Variants in CDH8 observed in about 807,000 individuals in gnomAD.
CDH8 encodes the protein cadherin 8, also known as cadherin-8.
Under a neutral mutation model 68.1 loss-of-function variants are expected in CDH8, and 17 were observed. The observed-to-expected ratio is 0.25, with a 90% CI of 0.17 to 0.37. CDH8 has a LOEUF of 0.37. Ranked by LOEUF, CDH8 falls within the 10% of genes least tolerant of loss-of-function variation. CDH8 has a pLI of 1.00. For synonymous variants in CDH8, 372 were observed against 365.1 expected (o/e 1.02, Z -0.21); for missense variants, 763 against 999.3 (o/e 0.76, Z 3.19).
intron 10 of CDH8, among the ~76,000 whole-genome samples, chr16:61,669,867 T>C (rs1850725633): frequency 6.6e-6 from 1 of 152,040 alleles, no homozygotes; most frequent in Non-Finnish European, 1.5e-5. Context: ...TTCTATAACA[T>C]TTTCTCGTTA....
At chr16:61,941,724 G>A (rs1357439873) in intron 2 of CDH8, among the ~76,000 whole-genome samples, 1 of 152,186 alleles carries the variant, frequency 6.6e-6, no homozygotes, top group Non-Finnish European at 1.5e-5. Context: ...TTACAGACAT[G>A]AGCCACCACA....
intron 8 of CDH8, 33 bp downstream of exon 8, chr16:61,789,313 A>G: frequency 6.3e-7 from 1 of 1,596,890 alleles, no homozygotes; most frequent in East Asian, 2.3e-5. Flanking sequence ...ACTCAGTCAC[A>G]CAAGGAAGAA....
chr16:61,809,512 A>T (rs551994834), intron 7 of CDH8, among the ~76,000 whole-genome samples: 2 of 152,298 alleles, frequency 1.3e-5, no homozygotes, highest in East Asian at 3.9e-4. Flanking sequence ...TGACAGGTTG[A>T]TGGGTGCAGC....
At chr16:62,003,473 A>T (rs1189416561) in intron 2 of CDH8, among the ~76,000 whole-genome samples, 1 of 152,212 alleles carries the variant, frequency 6.6e-6, no homozygotes, top group Non-Finnish European at 1.5e-5. Flanking sequence ...TATAATTCAT[A>T]GTATTATGAT....
chr16:62,024,129 G>A (rs1902139688), intron 1 of CDH8, among the ~76,000 whole-genome samples: 2 of 152,074 alleles, frequency 1.3e-5, no homozygotes, highest in Admixed American at 1.3e-4. Flanking sequence ...ATGAGCCACT[G>A]TACCTGGTTG....
At chr16:61,816,111 C>G (rs1209978747) in intron 7 of CDH8, among the ~76,000 whole-genome samples, 3 of 151,986 alleles carry the variant, frequency 2.0e-5, no homozygotes, top group African/African-American at 7.2e-5. Context: ...TCTCAAATCC[C>G]CAGGTAGTTT....
chr16:61,961,699 T>A (rs576682865), intron 2 of CDH8, among the ~76,000 whole-genome samples: 4 of 152,230 alleles, frequency 2.6e-5, no homozygotes, highest in African/African-American at 4.8e-5. Context: ...TGTTCATTTG[T>A]TTCACATTAA....
At chr16:61,711,771 A>G (rs1242119964) in intron 10 of CDH8, 2 of 151,756 alleles carry the variant, frequency 1.3e-5, no homozygotes, top group African/African-American at 2.4e-5. Flanking sequence ...CACAGTGAAC[A>G]TAAGTCCTAC....
At chr16:61,860,976 C>T (rs1446385057) in intron 3 of CDH8, among the ~76,000 whole-genome samples, 1 of 152,102 alleles carries the variant, frequency 6.6e-6, no homozygotes, top group Admixed American at 6.6e-5. Flanking sequence ...AATACTTTAA[C>T]CTGTCTTAGC....
chr16:61,687,221 G>T (rs8056054), intron 10 of CDH8, among the ~76,000 whole-genome samples: 8,861 of 151,746 alleles, frequency 0.058, 891 homozygotes, highest in African/African-American at 0.2. Context: ...AAAAGAAAGT[G>T]GCAATGTTCA....
intron 2 of CDH8, among the ~76,000 whole-genome samples, chr16:61,943,415 G>A (rs528344307): frequency 6.6e-6 from 1 of 152,326 alleles, no homozygotes; most frequent in African/African-American, 2.4e-5. Flanking sequence ...AAACACATGA[G>A]AAAGATAAAA....
intron 4 of CDH8, among the ~76,000 whole-genome samples, chr16:61,831,144 A>G (rs942670948): frequency 3.3e-5 from 5 of 151,768 alleles, no homozygotes; most frequent in Non-Finnish European, 5.9e-5. Context: ...CAGATGAGAG[A>G]ATACAAATGA....
At chr16:61,971,588 A>G (rs1459563403) in intron 2 of CDH8, among the ~76,000 whole-genome samples, 2 of 152,096 alleles carry the variant, frequency 1.3e-5, no homozygotes, top group Admixed American at 1.3e-4. Context: ...AGCTCTCCAA[A>G]TTCAGTTCTT....
At chr16:61,953,895 TTATA>T (rs66743095) in intron 2 of CDH8, among the ~76,000 whole-genome samples, 4,597 of 118,654 alleles carry the variant, frequency 0.039, 177 homozygotes, top group African/African-American at 0.076. Flanking sequence ...AAAAAAAACT[TTATA>T]TATATATATA....
chr16:61,656,097 C>A (rs967682893), intron 10 of CDH8, among the ~76,000 whole-genome samples: 42 of 152,114 alleles, frequency 2.8e-4, no homozygotes, highest in African/African-American at 9.9e-4. Flanking sequence ...TGGTCTCCAT[C>A]TGCTGACCTC....
chr16:61,959,933 CATT>C (rs1965060966), intron 2 of CDH8, among the ~76,000 whole-genome samples: 1 of 132,914 alleles, frequency 7.5e-6, no homozygotes, highest in Non-Finnish European at 1.6e-5. Flanking sequence ...AGGATATGGT[CATT>C]ATACCTTAAC....
chr16:61,910,003 G>A (rs986255894), intron 2 of CDH8, among the ~76,000 whole-genome samples: 7 of 151,952 alleles, frequency 4.6e-5, no homozygotes, highest in South Asian at 2.1e-4. Flanking sequence ...TAGCAAATCC[G>A]TTGCTTGTAG....
intron 2 of CDH8, among the ~76,000 whole-genome samples, chr16:61,921,163 G>A (rs1405640989): frequency 6.7e-6 from 1 of 149,650 alleles, no homozygotes; most frequent in Non-Finnish European, 1.5e-5. Flanking sequence ...TAGATGACGA[G>A]TTGGTGGGTG....
chr16:61,734,487 C>T (rs1388210314), intron 8 of CDH8, among the ~76,000 whole-genome samples: 1 of 152,122 alleles, frequency 6.6e-6, no homozygotes, highest in Non-Finnish European at 1.5e-5. Context: ...TTTCGTGGCA[C>T]TTCTGTCCAT....
Sources: allele counts gnomAD v4.1 joint callset (sites outside exome capture counted in the v4.1 genomes callset), GRCh38; gene constraint gnomAD v4.1.1; transcripts MANE v1.5; gene names NCBI Gene and HGNC (gene_info 2026-07-23, HGNC 2026-07-21).